The following DNAAF11 variants were observed in gnomAD, a reference collection of about 807,000 sequenced individuals.
DNAAF11 encodes the protein leucine rich repeat containing 6.
DNAAF11 carries 45 observed loss-of-function variants against 60.8 expected under a neutral mutation model. The ratio of observed to expected loss-of-function variants is 0.74; its 90% CI spans 0.58 to 0.95. The LOEUF (loss-of-function observed/expected upper bound fraction) is 0.95, where lower values mean the gene tolerates loss of function less well. Ranked by LOEUF, DNAAF11 falls within the 40% of genes least tolerant of loss-of-function variation. The pLI, the probability that DNAAF11 is intolerant of heterozygous loss-of-function variation, is 0.00. For missense variants in DNAAF11, 546 were observed against 546.2 expected (o/e 1.00, Z 0.00); for synonymous variants, 191 against 183.5 (o/e 1.04, Z -0.33).
intron 11 of DNAAF11, among the ~76,000 whole-genome samples, chr8:132,575,423 T>G (rs954315755): frequency 1.3e-5 from 2 of 152,176 alleles, no homozygotes; most frequent in Non-Finnish European, 2.9e-5. Flanking sequence ...TCAGTATGCT[T>G]TTCAGCACAC....
Position 132,583,702 on chromosome 8 carries a change from T to A in DNAAF11, c.1218A>T (p.Thr406=). The change falls in exon 11 of 12, where the codon ACA becomes ACT. Residue 406 remains threonine (T), a synonymous_variant. Transcript: ENST00000620350. The stretch of plus-strand genomic sequence containing the variant: ...GTCTGGGAGGGTGGTACCTTGTATT[T>A]GTTTGTTCTCTGCTCCTGTCCGAGG... ...KTTSDRSREQ[T]NTRSKHMEKL... 6.2e-7 allele frequency: 1 copy of A among 1,613,290 alleles called. No homozygotes were observed.
chr8:132,668,477 G>C (rs1048746162), intron 1 of DNAAF11, among the ~76,000 whole-genome samples: 5 of 151,966 alleles, frequency 3.3e-5, no homozygotes, highest in African/African-American at 4.8e-5. Flanking sequence ...TTGAGACAGA[G>C]TCTCGCTCTG....
intron 5 of DNAAF11, among the ~76,000 whole-genome samples, chr8:132,630,662 A>T (rs1005347090): frequency 4.6e-5 from 7 of 152,174 alleles, no homozygotes; most frequent in African/African-American, 7.2e-5. Context: ...TTGTATCCAG[A>T]ATCTAAAAGA....
At position 132,627,122 on chromosome 8, in the gene DNAAF11, T is replaced by C. The variant is rs187028884; in HGVS notation, c.654-1668A>G. 1.3e-3 allele frequency among the ~76,000 whole-genome samples: 201 copies of C among 152,296 alleles called. 3 individuals carry two copies. The highest frequency in any genetic ancestry group is 4.7e-3 in the African/African-American group (197 of 41,574). ...TATACAGCTACAGTTCTTTATGGTA[T>C]TGAAAGAATAATCTATGAAGGGTAT... is the stretch of plus-strand genomic sequence containing the variant. On this transcript the variant is annotated intron_variant, in intron 5 of 11. Coordinates refer to ENST00000620350, the MANE Select transcript of DNAAF11 (RefSeq NM_012472.6).
At chr8:132,621,561 G>T (rs936622062) in intron 7 of DNAAF11, among the ~76,000 whole-genome samples, 2 of 152,100 alleles carry the variant, frequency 1.3e-5, no homozygotes, top group Non-Finnish European at 2.9e-5. Context: ...GGAGTTCCGA[G>T]AGTCTCCCTT....
At chr8:132,674,729 G>C (rs1288944304) in intron 1 of DNAAF11, among the ~76,000 whole-genome samples, 2 of 152,108 alleles carry the variant, frequency 1.3e-5, no homozygotes, top group Non-Finnish European at 2.9e-5. Flanking sequence ...TCTCTACTAA[G>C]AATACAAAAA....
chr8:132,590,166 T>C (rs1384944716), intron 10 of DNAAF11, among the ~76,000 whole-genome samples: 1 of 152,152 alleles, frequency 6.6e-6, no homozygotes, highest in Non-Finnish European at 1.5e-5. Context: ...TGGCCTTCCA[T>C]GTTAACTGGC....
rs968928869 is a variant in DNAAF11 at position 132,637,934 on chromosome 8, C to T, written c.429+1G>A. The T allele has an allele frequency of 1.2e-6, 2 of 1,603,708 alleles. No individual in the cohort carries two copies. The highest frequency in any genetic ancestry group is 1.1e-5 in the South Asian group (1 of 88,728). On this transcript the variant is annotated splice_donor_variant, in intron 4 of 11. Coordinates refer to ENST00000620350, the MANE Select transcript of DNAAF11 (RefSeq NM_012472.6). LOFTEE classifies it high-confidence loss of function. ...TTTCTGCACCATTAAAAGAACCATA[C>T]CTTTAATTGTGGAAGAGTTGCTACC...
intron 1 of DNAAF11, among the ~76,000 whole-genome samples, chr8:132,669,229 A>C (rs368893793): frequency 6.6e-6 from 1 of 152,232 alleles, no homozygotes; most frequent in Admixed American, 6.5e-5. Flanking sequence ...TGAGGAGCCT[A>C]AACTGGAAGA....
chr8:132,656,916 C>A lies in DNAAF11; in HGVS notation c.179-9G>T. On this transcript the variant is annotated splice_polypyrimidine_tract_variant and intron_variant, in intron 2 of 11. Transcript: ENST00000620350. The stretch of plus-strand genomic sequence containing the variant: ...GAGTTTGCTAACATTTTCTGAAATA[C>A]AAGATAATGTAGTTAAGATAATTAA... The A allele has an allele frequency of 1.9e-6, 2 of 1,079,972 alleles. No homozygotes were observed. The highest frequency in any genetic ancestry group is 1.6e-5 in the African/African-American group (1 of 62,806). The allele number at this position is 1,079,972 out of a possible 1,614,324, so 66.9% of individuals were successfully genotyped here.
At chr8:132,594,249 G>A (rs1249383654) in intron 10 of DNAAF11, among the ~76,000 whole-genome samples, 6 of 151,890 alleles carry the variant, frequency 4.0e-5, no homozygotes, top group Non-Finnish European at 8.8e-5. Flanking sequence ...CTGAATCAAG[G>A]TCTCTACTCT....
intron 10 of DNAAF11, among the ~76,000 whole-genome samples, chr8:132,595,671 T>C (rs1010925572): frequency 6.6e-6 from 1 of 152,214 alleles, no homozygotes; most frequent in African/African-American, 2.4e-5. Context: ...TTTATCCAGA[T>C]AGTGGGACCA....
chr8:132,609,523 T>C (rs1301787161), intron 10 of DNAAF11, among the ~76,000 whole-genome samples: 2 of 152,130 alleles, frequency 1.3e-5, no homozygotes, highest in African/African-American at 4.8e-5. Flanking sequence ...AATCAAGACT[T>C]GGTGGGCTCT....
At chr8:132,670,706 T>C (rs911671015) in intron 1 of DNAAF11, among the ~76,000 whole-genome samples, 13 of 152,152 alleles carry the variant, frequency 8.5e-5, no homozygotes, top group Non-Finnish European at 1.8e-4. Flanking sequence ...GTAAAAATCC[T>C]AAGCAAAAAA....
At chr8:132,673,385 G>T (rs939773978) in intron 1 of DNAAF11, among the ~76,000 whole-genome samples, 1 of 152,162 alleles carries the variant, frequency 6.6e-6, no homozygotes, top group Admixed American at 6.5e-5. Context: ...CATTGGAGGA[G>T]TGCTTGTCAT....
Position 132,675,408 on chromosome 8 carries a change from C to A in DNAAF11, c.10+76G>T, listed in dbSNP as rs1825699771. On this transcript the variant is annotated intron_variant, in intron 1 of 11. Coordinates refer to ENST00000620350, the MANE Select transcript of DNAAF11 (RefSeq NM_012472.6). ...ACCGACAGCGCAGGGCGGGAGCGGG[C>A]GGCGAGGATCCCACGAGACCCGGGA... 4 of 1,470,692 alleles carry A rather than the reference C, an allele frequency of 2.7e-6. No homozygotes were observed. The Admixed American group carries it at 6.0e-5, about 22-fold the overall frequency. The allele number at this position is 1,470,692 out of a possible 1,614,324, so 91.1% of individuals were successfully genotyped here. A position where few individuals can be genotyped will look rare whatever the true frequency, so the allele number is the denominator to read the frequency against.
intron 5 of DNAAF11, among the ~76,000 whole-genome samples, chr8:132,629,455 C>T (rs981272195): frequency 6.6e-6 from 1 of 151,536 alleles, no homozygotes; most frequent in Non-Finnish European, 1.5e-5. Context: ...TCATGCCATT[C>T]TCCGGCCTCA....
At chr8:132,576,182 C>T (rs184487413) in intron 11 of DNAAF11, among the ~76,000 whole-genome samples, 11 of 152,290 alleles carry the variant, frequency 7.2e-5, no homozygotes, top group Admixed American at 7.2e-4. Context: ...GACACTACTC[C>T]TTGTTACTGC....
intron 4 of DNAAF11, among the ~76,000 whole-genome samples, chr8:132,634,296 T>G (rs1821082017): frequency 6.6e-6 from 1 of 152,170 alleles, no homozygotes. Flanking sequence ...AAATAAAGTT[T>G]GTAGCTTTCC....
Sources: allele counts gnomAD v4.1 joint callset (sites outside exome capture counted in the v4.1 genomes callset), GRCh38; gene constraint gnomAD v4.1.1; transcripts MANE v1.5; gene names NCBI Gene and HGNC (gene_info 2026-07-23, HGNC 2026-07-21).